Variants in FGF13 observed in about 807,000 individuals in gnomAD.
The protein encoded by FGF13 is fibroblast growth factor homologous factor 2.
In FGF13, 2 loss-of-function variants were observed where a neutral mutation model predicts 19.5. The ratio of observed to expected loss-of-function variants is 0.10; its 90% CI spans 0.04 to 0.32. The LOEUF is 0.32. FGF13 is among the 10% of genes least tolerant of loss of function. The pLI is 1.00. For synonymous variants in FGF13, 72 were observed against 76.9 expected, an observed-to-expected ratio of 0.94 and a Z score of 0.33; for missense variants, 113 against 192.7, an observed-to-expected ratio of 0.59 and a Z score of 2.45.
At chrX:139,130,698 T>C (rs2083753875) in intron 1 of FGF13, among the ~76,000 whole-genome samples, 1 of 111,866 alleles carries the variant, frequency 8.9e-6, no homozygotes, top group African/African-American at 3.2e-5. Flanking sequence ...GGTAGAGCCT[T>C]AGTCCTATTT....
intron 3 of FGF13, among the ~76,000 whole-genome samples, chrX:138,763,883 A>C (rs1201430022): frequency 9.0e-6 from 1 of 111,623 alleles, no homozygotes; most frequent in Non-Finnish European, 1.9e-5. Context: ...GGACCAGGGC[A>C]GCATGAGGAC....
At chrX:139,180,479 A>G (rs1472418761) in intron 1 of FGF13, among the ~76,000 whole-genome samples, 1 of 111,923 alleles carries the variant, frequency 8.9e-6, no homozygotes, top group Non-Finnish European at 1.9e-5. Flanking sequence ...GTCCTCAAAA[A>G]TTGAGTTTTC....
At chrX:138,731,077 A>C (rs1470401831) in intron 1 of FGF13, among the ~76,000 whole-genome samples, 2 of 111,506 alleles carry the variant, frequency 1.8e-5, no homozygotes, top group Non-Finnish European at 3.8e-5. Flanking sequence ...TTGAAGCAAA[A>C]AATTGATAAC....
chrX:139,060,045 C>T, intron 1 of FGF13, among the ~76,000 whole-genome samples: 1 of 111,667 alleles, frequency 9.0e-6, no homozygotes. Flanking sequence ...TGGTATTATT[C>T]TGCTTTTTAA....
intron 3 of FGF13, among the ~76,000 whole-genome samples, chrX:138,771,811 G>A (rs1345869081): frequency 1.8e-5 from 2 of 109,653 alleles, no homozygotes; most frequent in African/African-American, 6.6e-5. Flanking sequence ...GCTAAATTCT[G>A]TACAGACTGT....
intron 1 of FGF13, among the ~76,000 whole-genome samples, chrX:138,874,441 T>C (rs963375175): frequency 4.5e-5 from 5 of 111,047 alleles, no homozygotes; most frequent in African/African-American, 1.6e-4. Context: ...CTCTTTTTTT[T>C]CCCCAACGGC....
At position 139,014,693 on chromosome X, in the gene FGF13, C is replaced by T. The variant is rs190050349; in HGVS notation, c.-112-150043G>A. On this transcript the variant is annotated intron_variant, in intron 1 of 2. Coordinates refer to the FGF13 transcript ENST00000421460. Reference sequence around the variant, plus strand: ...AACTATTCTAAAAAATAGAGAATAACAGAATAATTCCAAACTCATTTTACA... The same window carrying T: ...AACTATTCTAAAAAATAGAGAATAATAGAATAATTCCAAACTCATTTTACA... Among the ~76,000 whole-genome samples the T allele has an allele frequency of 1.6e-3, 177 of 111,231 alleles. 4 individuals carry two copies. The Middle Eastern group carries it at 0.023, about 15-fold the overall frequency.
At chrX:139,071,461 T>C (rs1245228566) in intron 1 of FGF13, among the ~76,000 whole-genome samples, 1 of 112,022 alleles carries the variant, frequency 8.9e-6, no homozygotes, top group African/African-American at 3.2e-5. Flanking sequence ...TTAAATCTTA[T>C]TACCTCTCTT....
intron 1 of FGF13, among the ~76,000 whole-genome samples, chrX:139,141,547 A>G (rs1167798349): frequency 1.8e-5 from 2 of 111,469 alleles, no homozygotes; most frequent in African/African-American, 6.5e-5. Flanking sequence ...CTGTTTCTCT[A>G]TCATGGTATT....
rs973822972 is a variant in FGF13, at chrX:138,616,963, G to C, written c.*15887C>G. ...TGTTTCAAGGCTGCAAAGAGCAAGG[G>C]GGGGTGCCTGAGGCCTGGCCCACTA... On this transcript the variant is annotated 3_prime_UTR_variant, in exon 5 of 5. Coordinates refer to ENST00000315930, the MANE Select transcript of FGF13 (RefSeq NM_004114.5). 2.7e-5 allele frequency: 3 copies of C among 111,887 alleles called. No individual in the cohort carries two copies. The highest frequency in any genetic ancestry group is 9.8e-5 in the African/African-American group (3 of 30,758). 9.2% of individuals were successfully genotyped at this position (111,887 alleles called of 1,213,427 possible).
intron 1 of FGF13, among the ~76,000 whole-genome samples, chrX:138,977,499 T>G (rs146308479): frequency 9.3e-4 from 105 of 112,569 alleles, no homozygotes; most frequent in African/African-American, 3.4e-3. Flanking sequence ...AAGGTTTCTT[T>G]TTGCCACAGC....
intron 1 of FGF13, among the ~76,000 whole-genome samples, chrX:139,031,472 A>T (rs2092226307): frequency 9.0e-6 from 1 of 111,080 alleles, no homozygotes; most frequent in Admixed American, 9.6e-5. Context: ...CCACCTAATT[A>T]ACTCCTCCCA....
At chrX:139,151,220 A>C (rs1278359056) in intron 1 of FGF13, among the ~76,000 whole-genome samples, 1 of 111,680 alleles carries the variant, frequency 9.0e-6, no homozygotes, top group Non-Finnish European at 1.9e-5. Flanking sequence ...GTATCATACT[A>C]GTAACACTGA....
intron 1 of FGF13, among the ~76,000 whole-genome samples, chrX:138,980,675 GTTTTTTTTT>G (rs59636336): frequency 8.2e-5 from 7 of 84,926 alleles, no homozygotes; most frequent in African/African-American, 8.8e-5. Context: ...CAGAAGTGTG[GTTTTTTTTT>G]TTTTTTTTTT....
At chrX:138,933,513 G>A (rs1240263071) in intron 1 of FGF13, among the ~76,000 whole-genome samples, 1 of 111,556 alleles carries the variant, frequency 9.0e-6, no homozygotes, top group East Asian at 2.8e-4. Flanking sequence ...GTGCCTTGTT[G>A]CTCAGTAAAT....
intron 3 of FGF13, among the ~76,000 whole-genome samples, chrX:138,684,891 G>C (rs1315398460): frequency 9.0e-6 from 1 of 111,652 alleles, no homozygotes; most frequent in Non-Finnish European, 1.9e-5. Context: ...TGAAGGCAGT[G>C]AGTCCTTCCA....
At chrX:139,091,396 T>C (rs1037682195) in intron 1 of FGF13, among the ~76,000 whole-genome samples, 1 of 111,474 alleles carries the variant, frequency 9.0e-6, no homozygotes, top group African/African-American at 3.3e-5. Context: ...CAGTTTATCA[T>C]CTCCCACAGG....
chrX:138,813,607 C>T (rs777613929), intron 3 of FGF13, among the ~76,000 whole-genome samples: 84 of 111,855 alleles, frequency 7.5e-4, no homozygotes, highest in African/African-American at 2.5e-3. Flanking sequence ...AGTGAAATAC[C>T]GTGCTCTGTT....
chrX:138,746,613 C>T (rs1193426844), intron 3 of FGF13, among the ~76,000 whole-genome samples: 1 of 111,470 alleles, frequency 9.0e-6, no homozygotes, highest in African/African-American at 3.3e-5. Context: ...AGCAGGGACC[C>T]TAGAGCCACA....
Sources: gnomAD v4.1 joint callset for allele counts (sites outside exome capture counted in the v4.1 genomes callset) on GRCh38, gnomAD v4.1.1 for gene constraint, MANE v1.5 for transcripts, NCBI Gene and HGNC (gene_info 2026-07-23, HGNC 2026-07-21) for gene names.